KAZN: variants seen among roughly 807,000 people sequenced by gnomAD.
The protein encoded by KAZN is kazrin, periplakin interacting protein.
In KAZN, 40 loss-of-function variants were observed where a neutral mutation model predicts 87.4. That is an observed-to-expected ratio of 0.46 (90% confidence interval 0.36 to 0.60). KAZN has a LOEUF of 0.60. Among genes scored for constraint, KAZN ranks in the 20% least tolerant of loss-of-function variants. KAZN has a pLI of 0.00. For synonymous variants in KAZN, 466 were observed against 458.3 expected (o/e 1.02, Z -0.22); for missense variants, 898 against 1,073.9 (o/e 0.84, Z 2.29).
At chr1:14,531,196 G>A (rs1311312336) in intron 2 of KAZN, among the ~76,000 whole-genome samples, 1 of 152,154 alleles carries the variant, frequency 6.6e-6, no homozygotes, top group Non-Finnish European at 1.5e-5. Context: ...CAGAGCCCAA[G>A]ACTCAGCTGT....
intron 1 of KAZN, among the ~76,000 whole-genome samples, chr1:14,869,714 G>A (rs1651932148): frequency 6.6e-6 from 1 of 152,336 alleles, no homozygotes; most frequent in South Asian, 2.1e-4. Flanking sequence ...AGCAGTGGTT[G>A]TGGGTAATGT....
chr1:14,406,513 G>T (rs1282623411), intron 2 of KAZN, among the ~76,000 whole-genome samples: 2 of 152,040 alleles, frequency 1.3e-5, no homozygotes, highest in African/African-American at 2.4e-5. Flanking sequence ...GCATAAGAAT[G>T]ACACAATGGA....
At chr1:14,363,764 C>CA (rs1659717783) in intron 2 of KAZN, among the ~76,000 whole-genome samples, 1 of 152,080 alleles carries the variant, frequency 6.6e-6, no homozygotes. Context: ...CCTGCAAAGC[C>CA]AAAAATACTT....
chr1:14,433,457 G>GT (rs1169113528), intron 2 of KAZN, among the ~76,000 whole-genome samples: 13 of 152,162 alleles, frequency 8.5e-5, no homozygotes, highest in African/African-American at 2.9e-4. Context: ...AAATGCACGT[G>GT]TTGAAGCCCT....
At chr1:14,721,970 A>G (rs1371212770) in intron 1 of KAZN, among the ~76,000 whole-genome samples, 1 of 152,100 alleles carries the variant, frequency 6.6e-6, no homozygotes, top group Admixed American at 6.6e-5. Context: ...CCTGGCCAAC[A>G]TGGTGAAACC....
At chr1:13,968,802 A>T (rs1642033619) in intron 1 of KAZN, among the ~76,000 whole-genome samples, 1 of 131,890 alleles carries the variant, frequency 7.6e-6, no homozygotes, top group Non-Finnish European at 1.7e-5. Flanking sequence ...TTCCATTTGA[A>T]CATCTACTCT....
chr1:14,400,066 C>A (rs1368544504), intron 2 of KAZN, among the ~76,000 whole-genome samples: 1 of 152,112 alleles, frequency 6.6e-6, no homozygotes, highest in Non-Finnish European at 1.5e-5. Context: ...ATGTAATGAT[C>A]CCCAAGCCCA....
intron 2 of KAZN, among the ~76,000 whole-genome samples, chr1:14,369,581 C>T (rs1326371773): frequency 1.3e-5 from 2 of 152,184 alleles, no homozygotes; most frequent in Non-Finnish European, 2.9e-5. Flanking sequence ...GGGACCTTGT[C>T]TCCTGCAAGG....
chr1:14,278,926 C>CTTT (rs77998358), intron 2 of KAZN, among the ~76,000 whole-genome samples: 7,193 of 97,046 alleles, frequency 0.074, 366 homozygotes, highest in African/African-American at 0.09. Context: ...TCAAATTCAG[C>CTTT]TTTTTTTTTT....
intron 2 of KAZN, among the ~76,000 whole-genome samples, chr1:14,233,690 C>T (rs1648087833): frequency 6.6e-6 from 1 of 152,202 alleles, no homozygotes; most frequent in South Asian, 2.1e-4. Context: ...TGCAGGGACA[C>T]TGATGCAATG....
rs35057453 is a variant in KAZN, at chr1:14,956,299, G to GAAAA, written c.227-4370_227-4367dup. On this transcript the variant is annotated intron_variant, in intron 1 of 14. Transcript: ENST00000376030. The stretch of plus-strand genomic sequence containing the variant: ...GGTTGGAAGAGACCCAGAAGTCACT[G>GAAAA]AAAAAAAAAAAAAAAAAAGACCCAG... 5.3e-4 allele frequency among the ~76,000 whole-genome samples: 53 copies of GAAAA among 99,562 alleles called. 3 individuals are homozygous for GAAAA. The highest frequency in any genetic ancestry group is 2.1e-3 in the African/African-American group (46 of 22,348). The allele number at this position is 99,562 out of a possible 152,430, so 65.3% of individuals were successfully genotyped here.
At position 14,630,835 on chromosome 1, in the gene KAZN, A is replaced by G. The variant is rs549173005; in HGVS notation, c.226+31612A>G. Among the ~76,000 whole-genome samples, 3 of 152,286 alleles carry G rather than the reference A, an allele frequency of 2.0e-5. No individual in the cohort carries two copies. The South Asian group carries it at 6.2e-4, about 32-fold the overall frequency. On this transcript the variant is annotated intron_variant, in intron 1 of 14. Transcript: ENST00000376030. ...TGGGGAAGACACGTAACCTCTCTGAAGCTTTGTTTTCTCATCAATAAAATG... is the reference window on the plus strand; with the variant it reads ...TGGGGAAGACACGTAACCTCTCTGAGGCTTTGTTTTCTCATCAATAAAATG...
chr1:14,528,337 C>CAAAAAAAAAAAAAA (rs33960231), intron 2 of KAZN, among the ~76,000 whole-genome samples: 70 of 49,238 alleles, frequency 1.4e-3, no homozygotes, highest in Non-Finnish European at 1.7e-3. Context: ...GACTCCATCT[C>CAAAAAAAAAAAAAA]AAAAAAAAAA....
At chr1:14,713,805 G>GAAAGA (rs1642627926) in intron 1 of KAZN, among the ~76,000 whole-genome samples, 1 of 115,154 alleles carries the variant, frequency 8.7e-6, no homozygotes, top group African/African-American at 3.4e-5. Flanking sequence ...AAAAAAGAAA[G>GAAAGA]AATAATTAGG....
At chr1:13,985,987 T>G (rs1445915783) in intron 1 of KAZN, among the ~76,000 whole-genome samples, 1 of 152,232 alleles carries the variant, frequency 6.6e-6, no homozygotes, top group Non-Finnish European at 1.5e-5. Context: ...ATAACAAGTT[T>G]TTGTGTGGGC....
chr1:15,097,691 G>T (rs1479488034), intron 10 of KAZN, among the ~76,000 whole-genome samples: 1 of 152,156 alleles, frequency 6.6e-6, no homozygotes, highest in African/African-American at 2.4e-5. Context: ...GGTGGTGTGT[G>T]CCTGTGATCC....
Position 14,608,103 on chromosome 1 carries a change from G to C in KAZN, c.226+8880G>C, listed in dbSNP as rs188267694. On this transcript the variant is annotated intron_variant, in intron 1 of 14. Transcript: ENST00000376030. ...AGAACACAGGTTCACACGTTTGACT[G>C]ACCCTGAAATCTGCTCGCTTCGTTA... 4.6e-5 allele frequency among the ~76,000 whole-genome samples: 7 copies of C among 152,354 alleles called. 1 individual carries two copies. The highest frequency in any genetic ancestry group is 1.7e-4 in the African/African-American group (7 of 41,592).
intron 1 of KAZN, among the ~76,000 whole-genome samples, chr1:14,841,069 C>T (rs1028193723): frequency 1.3e-5 from 2 of 152,138 alleles, no homozygotes; most frequent in Non-Finnish European, 2.9e-5. Context: ...AGGTGCAATA[C>T]ATTTGGCACA....
chr1:14,283,708 C>T (rs1653026034), intron 2 of KAZN, among the ~76,000 whole-genome samples: 2 of 152,240 alleles, frequency 1.3e-5, no homozygotes, highest in South Asian at 2.1e-4. Flanking sequence ...CACAAAGTCA[C>T]CATATAGCCC....
Sources: allele counts gnomAD v4.1 joint callset (sites outside exome capture counted in the v4.1 genomes callset), GRCh38; gene constraint gnomAD v4.1.1; transcripts MANE v1.5; gene names NCBI Gene and HGNC (gene_info 2026-07-23, HGNC 2026-07-21).